Variants in PXDN observed in about 807,000 individuals in gnomAD.
The protein encoded by PXDN is peroxidasin.
Under a neutral mutation model 140.3 loss-of-function variants are expected in PXDN, and 77 were observed. That is an observed-to-expected ratio of 0.55 (90% CI 0.46 to 0.66). The LOEUF is 0.66. Among genes scored for constraint, PXDN ranks in the 30% least tolerant of loss-of-function variants. The pLI is 0.00. For missense variants in PXDN, 1,838 were observed against 2,039.5 expected (o/e 0.90, Z 1.90); for synonymous variants, 911 against 857.4 (o/e 1.06, Z -1.09).
At chr2:1,676,725 G>T (rs1683726043) in intron 8 of PXDN, 4 of 636,184 alleles carry the variant, frequency 6.3e-6, no homozygotes, top group African/African-American at 3.6e-5. Context: ...GTGGGGAAGG[G>T]GCCCCAGCCT....
chr2:1,673,465 G>A (rs1233043647), intron 9 of PXDN, among the ~76,000 whole-genome samples, 178 bp downstream of exon 9: 2 of 152,138 alleles, frequency 1.3e-5, no homozygotes, highest in Non-Finnish European at 2.9e-5. Context: ...CCACAGCACC[G>A]CTCATGGATC....
At position 1,643,581 on chromosome 2, in the gene PXDN, A is replaced by G; in HGVS notation, c.3744-5T>C. On this transcript the variant is annotated splice_polypyrimidine_tract_variant and splice_region_variant and intron_variant, in intron 18 of 22. Coordinates refer to ENST00000252804, the MANE Select transcript of PXDN (RefSeq NM_012293.3). ...CCAGGGTTCTCATACCACAACCTGG[A>G]TCCCCCAAAATGAAAGCAGGATCAG... 1 of 1,613,488 alleles carries G rather than the reference A, an allele frequency of 6.2e-7. No homozygotes were observed. Among genetic ancestry groups the G allele is most frequent in the Non-Finnish European group, 8.5e-7 (1 of 1,179,586 alleles).
At chr2:1,690,648 C>CAAAAAAA (rs35970382) in intron 3 of PXDN, among the ~76,000 whole-genome samples, 2 of 68,648 alleles carry the variant, frequency 2.9e-5, no homozygotes, top group African/African-American at 5.6e-5. Context: ...TTCAAAATAC[C>CAAAAAAA]AAAAAAAAAA....
intron 19 of PXDN, among the ~76,000 whole-genome samples, chr2:1,640,788 T>G (rs1260711091): frequency 6.6e-6 from 1 of 152,214 alleles, no homozygotes; most frequent in Non-Finnish European, 1.5e-5. Flanking sequence ...CACCCAGGGC[T>G]GTGCAGGTCT....
chr2:1,727,510 G>GCACATCCGGAAAGCA (rs1685214632), intron 1 of PXDN, among the ~76,000 whole-genome samples: 1 of 152,210 alleles, frequency 6.6e-6, no homozygotes, highest in African/African-American at 2.4e-5. Flanking sequence ...CCTCAAGGGA[G>GCACATCCGGAAAGCA]CACATCCGGA....
At chr2:1,668,841 G>A (rs570538456) in intron 9 of PXDN, among the ~76,000 whole-genome samples, 3 of 152,136 alleles carry the variant, frequency 2.0e-5, no homozygotes, top group Non-Finnish European at 2.9e-5. Flanking sequence ...ACATTTTTAC[G>A]CTGTTGCTGG....
At chr2:1,744,603 T>A (rs1324845813), upstream of PXDN, 2 of 660,980 alleles carry the variant, frequency 3.0e-6, no homozygotes, top group Non-Finnish European at 4.2e-6. Flanking sequence ...TCCCGGCCCC[T>A]CTGAATCCCC....
At chr2:1,682,072 G>C (rs1341545773) in intron 6 of PXDN, among the ~76,000 whole-genome samples, 3 of 152,198 alleles carry the variant, frequency 2.0e-5, no homozygotes, top group Non-Finnish European at 4.4e-5. Flanking sequence ...ATCTCAATCT[G>C]GGGTTGTAGT....
At chr2:1,679,421 GGTGT>G (rs138941922) in intron 7 of PXDN, among the ~76,000 whole-genome samples, 1,859 of 145,124 alleles carry the variant, frequency 0.013, 90 homozygotes, top group East Asian at 0.098. Context: ...GTGCGTGTGT[GGTGT>G]GTGTGTGTAT....
At chr2:1,724,896 G>A (rs1685142226) in intron 1 of PXDN, among the ~76,000 whole-genome samples, 1 of 152,126 alleles carries the variant, frequency 6.6e-6, no homozygotes, top group Admixed American at 6.6e-5. Flanking sequence ...CTGTTTCTGT[G>A]AAGAATGCTA....
intron 19 of PXDN, among the ~76,000 whole-genome samples, chr2:1,640,945 G>A (rs78603276): frequency 0.025 from 3,749 of 152,200 alleles, 142 homozygotes; most frequent in African/African-American, 0.086. Context: ...CAGGATGGCC[G>A]TCTCTTCCTC....
intron 7 of PXDN, among the ~76,000 whole-genome samples, chr2:1,679,567 A>G (rs1683821039): frequency 2.7e-5 from 3 of 112,556 alleles, no homozygotes; most frequent in African/African-American, 6.9e-5. Flanking sequence ...GTGTGTGTAA[A>G]TGGTGTGTGT....
chr2:1,702,905 C>T (rs548054764), intron 1 of PXDN, among the ~76,000 whole-genome samples: 1 of 151,742 alleles, frequency 6.6e-6, no homozygotes, highest in East Asian at 1.9e-4. Context: ...TGGTTTTATA[C>T]ATTTTAGGGA....
intron 1 of PXDN, among the ~76,000 whole-genome samples, chr2:1,713,231 C>A (rs1684823677): frequency 6.6e-6 from 1 of 152,128 alleles, no homozygotes; most frequent in African/African-American, 2.4e-5. Flanking sequence ...CTCCCCAGAG[C>A]CTTGCAGAGC....
At chr2:1,743,898 G>A (rs1433936881) in intron 1 of PXDN, among the ~76,000 whole-genome samples, 4 of 146,742 alleles carry the variant, frequency 2.7e-5, no homozygotes, top group Non-Finnish European at 6.1e-5. Context: ...GGAGGCCGGC[G>A]GAGCATGAGA....
intron 1 of PXDN, among the ~76,000 whole-genome samples, chr2:1,720,352 AGGGAGGGATGCAGAGAGAGAGGGAG>A (rs1405470440): frequency 8.4e-5 from 9 of 106,890 alleles, no homozygotes; most frequent in Non-Finnish European, 1.1e-4. Flanking sequence ...ATGCAGAGAG[AGGGAGGGATGCAGAGAGAGAGGGAG>A]GGGAGGGATG....
rs1683279141 is a variant in PXDN at position 1,660,530 on chromosome 2, T to C, written c.1837+351A>G. ...TCTTCAAGCAACCATATTTGCCAAA[T>C]TGTAACTGTAAATTACACCTGGTCA... On this transcript the variant is annotated intron_variant, in intron 14 of 22. Transcript: ENST00000252804. This position sits in a 1 kb window ranked among gnomAD's most constrained non-coding sequence, Gnocchi z 4.6. Among the ~76,000 whole-genome samples the C allele has an allele frequency of 6.6e-6, 1 of 152,182 alleles. No homozygotes were observed.
intron 8 of PXDN, among the ~76,000 whole-genome samples, chr2:1,675,369 T>G (rs546442620): frequency 6.6e-6 from 1 of 152,180 alleles, no homozygotes; most frequent in Non-Finnish European, 1.5e-5. Flanking sequence ...TTTTCGTATA[T>G]AAAATGTAGG....
intron 1 of PXDN, among the ~76,000 whole-genome samples, chr2:1,716,486 C>T (rs1050204210): frequency 2.0e-5 from 3 of 146,440 alleles, no homozygotes; most frequent in South Asian, 4.3e-4. Flanking sequence ...GTGGCAACAT[C>T]GCCTGCCTCC....
Sources: gnomAD v4.1 joint callset for allele counts (sites outside exome capture counted in the v4.1 genomes callset) on GRCh38, gnomAD v4.1.1 for gene constraint, Gnocchi (gnomAD v3.1) non-coding constraint, MANE v1.5 for transcripts, NCBI Gene and HGNC (gene_info 2026-07-23, HGNC 2026-07-21) for gene names.